Variants in TNRC6A observed in about 807,000 individuals in gnomAD.
The protein encoded by TNRC6A is trinucleotide repeat containing adaptor 6A.
In TNRC6A, 44 loss-of-function variants were observed where a neutral mutation model predicts 221.2. The ratio of observed to expected loss-of-function variants is 0.20; its 90% CI spans 0.16 to 0.26. TNRC6A has a LOEUF of 0.26. TNRC6A is among the 10% of genes least tolerant of loss of function. The pLI, the probability that TNRC6A is intolerant of heterozygous loss-of-function variation, is 1.00. For synonymous variants in TNRC6A, 847 were observed against 838.5 expected (o/e 1.01, Z -0.18); for missense variants, 2,199 against 2,404.4 (o/e 0.91, Z 1.79).
At chr16:24,769,059 G>A (rs142825276) in intron 4 of TNRC6A, among the ~76,000 whole-genome samples, 9 of 152,042 alleles carry the variant, frequency 5.9e-5, no homozygotes, top group African/African-American at 1.9e-4. Flanking sequence ...AATTAAAATG[G>A]TATTACAAAT....
At chr16:24,821,688 C>A in intron 22 of TNRC6A, 1 of 174,952 alleles carries the variant, frequency 5.7e-6, no homozygotes, top group Non-Finnish European at 1.2e-5. Context: ...CTCTGGAATC[C>A]CCTTAAAGCT....
intron 2 of TNRC6A, among the ~76,000 whole-genome samples, chr16:24,675,702 C>CTCTCTCTCTATATA (rs1180245687): frequency 9.0e-5 from 3 of 33,264 alleles, no homozygotes; most frequent in Non-Finnish European, 1.6e-4. Context: ...CTCTCTCTCT[C>CTCTCTCTCTATATA]TATATATATA....
intron 1 of TNRC6A, among the ~76,000 whole-genome samples, chr16:24,627,567 C>T (rs776990451): frequency 3.3e-5 from 5 of 152,006 alleles, no homozygotes; most frequent in Non-Finnish European, 7.4e-5. Context: ...AACTGCCTTC[C>T]CTCAGGAGTG....
intron 2 of TNRC6A, among the ~76,000 whole-genome samples, chr16:24,700,425 A>ATGG (rs2055949194): frequency 6.6e-6 from 1 of 151,954 alleles, no homozygotes; most frequent in East Asian, 1.9e-4. Flanking sequence ...TAGTAGAGAC[A>ATGG]GGTTTCACCA....
At chr16:24,616,426 T>C (rs1329547081) in intron 1 of TNRC6A, among the ~76,000 whole-genome samples, 4 of 152,122 alleles carry the variant, frequency 2.6e-5, no homozygotes, top group Non-Finnish European at 5.9e-5. Flanking sequence ...GTAGTTCTCT[T>C]TTGCTTATTA....
chr16:24,750,648 T>C (rs2057115049), intron 2 of TNRC6A, 78 bp from the exon 3 acceptor site: 2 of 1,387,548 alleles, frequency 1.4e-6, no homozygotes, highest in Non-Finnish European at 1.9e-6. Flanking sequence ...AGTGAAAAAG[T>C]GAAAATGAAT....
intron 18 of TNRC6A, among the ~76,000 whole-genome samples, chr16:24,814,490 C>T (rs2058616273): frequency 6.8e-6 from 1 of 146,500 alleles, no homozygotes. Flanking sequence ...CTCACTGCAA[C>T]CTCTGCCTCC....
At chr16:24,745,802 C>T (rs991802421) in intron 2 of TNRC6A, among the ~76,000 whole-genome samples, 1 of 133,258 alleles carries the variant, frequency 7.5e-6, no homozygotes, top group Non-Finnish European at 1.7e-5. Flanking sequence ...CCATCCCCCC[C>T]CCCCCCAGCT....
chr16:24,693,433 A>G lies in TNRC6A; in HGVS notation n.402+52424A>G, dbSNP rs570487812. Among the ~76,000 whole-genome samples, 96 of 152,220 alleles carry G rather than the reference A, an allele frequency of 6.3e-4. 1 individual carries two copies. The highest frequency in any genetic ancestry group is 2.2e-3 in the African/African-American group (93 of 41,550). ...GAAACCCCGTCTCTACTAAAAATAC[A>G]AAAATTAGCCCAGCATGGTGGTTGC... On this transcript the variant is annotated intron_variant and non_coding_transcript_variant, in intron 2 of 2. Coordinates refer to the TNRC6A transcript ENST00000566108.
At chr16:24,821,237 T>C (rs1164119313) in intron 22 of TNRC6A, among the ~76,000 whole-genome samples, 1 of 151,960 alleles carries the variant, frequency 6.6e-6, no homozygotes, top group Non-Finnish European at 1.5e-5. Flanking sequence ...GCCGCAGACA[T>C]CTGTCTGGAT....
chr16:24,662,135 C>T (rs932870564), intron 2 of TNRC6A: 1 of 151,938 alleles, frequency 6.6e-6, no homozygotes, highest in African/African-American at 2.4e-5. Flanking sequence ...ATAAAAATTC[C>T]ATGTATAGAA....
intron 16 of TNRC6A, 112 bp from the exon 17 acceptor site, chr16:24,806,462 T>C (rs1038452526): frequency 7.1e-7 from 1 of 1,407,348 alleles, no homozygotes; most frequent in Middle Eastern, 1.8e-4. Context: ...ATACAGTGAT[T>C]ATTCACCTTT....
upstream of TNRC6A, among the ~76,000 whole-genome samples, chr16:24,728,803 A>G (rs1022268387): frequency 1.3e-5 from 2 of 152,212 alleles, no homozygotes; most frequent in African/African-American, 4.8e-5. Context: ...ATCTACATGT[A>G]TGTATCTTAC....
At chr16:24,807,356 A>G (rs1362134329) in intron 17 of TNRC6A, among the ~76,000 whole-genome samples, 1 of 152,236 alleles carries the variant, frequency 6.6e-6, no homozygotes, top group Non-Finnish European at 1.5e-5. Context: ...GTGCATTAGA[A>G]TAAAGGAAAC....
intron 2 of TNRC6A, among the ~76,000 whole-genome samples, chr16:24,668,901 C>G (rs2055230478): frequency 6.6e-6 from 1 of 152,136 alleles, no homozygotes; most frequent in Admixed American, 6.6e-5. Flanking sequence ...ACAGAGTGAG[C>G]CTGAGTCTCT....
At chr16:24,767,489 A>T (rs528760213) in intron 4 of TNRC6A, among the ~76,000 whole-genome samples, 3 of 152,238 alleles carry the variant, frequency 2.0e-5, no homozygotes, top group Non-Finnish European at 2.9e-5. Flanking sequence ...GAATATACAC[A>T]TTTGAAAAAA....
chr16:24,738,289 G>C (rs1224016282), intron 2 of TNRC6A, among the ~76,000 whole-genome samples: 1 of 152,038 alleles, frequency 6.6e-6, no homozygotes, highest in East Asian at 1.9e-4. Context: ...GCTTTATTCA[G>C]ATAAAATTCC....
chr16:24,683,944 A>G (rs1458726951), intron 2 of TNRC6A, among the ~76,000 whole-genome samples: 2 of 152,206 alleles, frequency 1.3e-5, no homozygotes, highest in African/African-American at 2.4e-5. Flanking sequence ...CCCTAAAGCC[A>G]GGAGTGTCTT....
intron 1 of TNRC6A, among the ~76,000 whole-genome samples, chr16:24,618,484 G>A (rs1020093758): frequency 6.6e-6 from 1 of 152,086 alleles, no homozygotes; most frequent in East Asian, 1.9e-4. Context: ...GAGGCCCCAA[G>A]TAGTTGACTT....
Sources: allele counts gnomAD v4.1 joint callset (sites outside exome capture counted in the v4.1 genomes callset), GRCh38; gene constraint gnomAD v4.1.1; transcripts MANE v1.5; gene names NCBI Gene and HGNC (gene_info 2026-07-23, HGNC 2026-07-21).